ACMSD: variants seen among roughly 807,000 people sequenced by gnomAD.
The protein encoded by ACMSD is 2-amino-3-carboxymuconate-6-semialdehyde decarboxylase.
In ACMSD, 37 loss-of-function variants were observed where a neutral mutation model predicts 45.9. The ratio of observed to expected loss-of-function variants is 0.81; its 90% CI spans 0.62 to 1.06. The LOEUF (loss-of-function observed/expected upper bound fraction) is 1.06, where lower values mean the gene tolerates loss of function less well. ACMSD is among the 50% of genes least tolerant of loss of function. The pLI is 0.00. For synonymous variants in ACMSD, 138 were observed against 148.8 expected, an observed-to-expected ratio of 0.93 and a Z score of 0.53; for missense variants, 434 against 420.9, an observed-to-expected ratio of 1.03 and a Z score of -0.27.
chr2:134,893,509 T>C (rs1043085616), intron 8 of ACMSD, among the ~76,000 whole-genome samples: 2 of 152,102 alleles, frequency 1.3e-5, no homozygotes, highest in Non-Finnish European at 2.9e-5. Flanking sequence ...AGATAGTACT[T>C]CTTTCTAGTT....
chr2:134,899,259 C>T (rs1378719074), intron 9 of ACMSD, among the ~76,000 whole-genome samples: 1 of 152,086 alleles, frequency 6.6e-6, no homozygotes, highest in Non-Finnish European at 1.5e-5. Context: ...TTCATCAAAT[C>T]TTCTCAATAG....
intron 8 of ACMSD, among the ~76,000 whole-genome samples, chr2:134,886,088 T>C (rs934002623): frequency 5.3e-5 from 8 of 152,092 alleles, no homozygotes; most frequent in Non-Finnish European, 1.2e-4. Context: ...CTATTTAGTA[T>C]TGACTGAAGT....
chr2:134,858,403 T>G (rs982270563), intron 2 of ACMSD, among the ~76,000 whole-genome samples: 1 of 152,130 alleles, frequency 6.6e-6, no homozygotes, highest in African/African-American at 2.4e-5. Flanking sequence ...TCAGAGGATA[T>G]GAAATTTCAG....
chr2:134,845,099 C>A, intron 1 of ACMSD, 134 bp from the exon 2 acceptor site: 1 of 797,368 alleles, frequency 1.3e-6, no homozygotes, highest in Non-Finnish European at 2.2e-6. Flanking sequence ...ACTAAATAGG[C>A]GATACATGGG....
intron 4 of ACMSD, chr2:134,862,859 C>T: frequency 5.2e-6 from 3 of 581,844 alleles, no homozygotes; most frequent in Non-Finnish European, 6.5e-6. Context: ...ATTAGGAAAA[C>T]CAACAGTAAA....
chr2:134,885,213 A>C (rs1573702400), intron 8 of ACMSD, among the ~76,000 whole-genome samples: 2 of 129,056 alleles, frequency 1.5e-5, no homozygotes, highest in East Asian at 4.0e-4. Context: ...ATATACATAT[A>C]TATATTTATA....
intron 7 of ACMSD, 119 bp downstream of exon 7, chr2:134,871,179 C>A: frequency 1.1e-6 from 1 of 909,382 alleles, no homozygotes; most frequent in Non-Finnish European, 1.7e-6. Context: ...AGTCCAAGAT[C>A]AAGGTGCTGG....
chr2:134,869,951 G>A (rs1415141631), intron 6 of ACMSD, among the ~76,000 whole-genome samples: 4 of 152,194 alleles, frequency 2.6e-5, no homozygotes, highest in Non-Finnish European at 5.9e-5. Context: ...TCTGCCTTCA[G>A]GAAGCTCTAC....
chr2:134,846,082 T>C (rs1159193719), intron 2 of ACMSD, among the ~76,000 whole-genome samples: 1 of 152,120 alleles, frequency 6.6e-6, no homozygotes, highest in African/African-American at 2.4e-5. Context: ...GAAGGCCTTC[T>C]GGAGGAAATG....
chr2:134,869,067 A>C (rs1248970471), intron 6 of ACMSD: 1 of 152,158 alleles, frequency 6.6e-6, no homozygotes, highest in Non-Finnish European at 1.5e-5. Flanking sequence ...GTATTTAGTA[A>C]GGAGGCTTCC....
At chr2:134,869,816 T>C (rs966378641) in intron 6 of ACMSD, among the ~76,000 whole-genome samples, 1 of 152,132 alleles carries the variant, frequency 6.6e-6, no homozygotes, top group African/African-American at 2.4e-5. Flanking sequence ...AGAAGTGTCA[T>C]GATCCAATTC....
chr2:134,871,510 T>C (rs1688434268), intron 7 of ACMSD, among the ~76,000 whole-genome samples: 2 of 103,268 alleles, frequency 1.9e-5, no homozygotes, highest in South Asian at 8.1e-4. Context: ...GTTTTGTCAT[T>C]GTTTTTTTTT....
chr2:134,875,677 A>T (rs1688698324), intron 8 of ACMSD, among the ~76,000 whole-genome samples: 1 of 152,252 alleles, frequency 6.6e-6, no homozygotes. Context: ...GCCTCCCTAT[A>T]TTAACATGAT....
chr2:134,856,342 G>T (rs1325016436), intron 2 of ACMSD, among the ~76,000 whole-genome samples: 1 of 152,064 alleles, frequency 6.6e-6, no homozygotes, highest in Admixed American at 6.6e-5. Context: ...TTTTCTTTAG[G>T]AATCACAAAC....
chr2:134,886,246 A>ATTATTATTATTATTT, intron 8 of ACMSD, among the ~76,000 whole-genome samples: 2 of 115,466 alleles, frequency 1.7e-5, no homozygotes, highest in Admixed American at 8.4e-5. Flanking sequence ...TATTATTATT[A>ATTATTATTATTATTT]TTTTTTTTTT....
intron 8 of ACMSD, among the ~76,000 whole-genome samples, chr2:134,886,246 A>ATTATTATTATTTTTTTTTTT: frequency 8.7e-6 from 1 of 115,472 alleles, no homozygotes; most frequent in Admixed American, 8.4e-5. Context: ...TATTATTATT[A>ATTATTATTATTTTTTTTTTT]TTTTTTTTTT....
At chr2:134,894,512 C>T (rs900276065) in intron 8 of ACMSD, among the ~76,000 whole-genome samples, 3 of 152,036 alleles carry the variant, frequency 2.0e-5, no homozygotes, top group African/African-American at 7.2e-5. Flanking sequence ...CAGATGTCTT[C>T]GCTGGTGAAT....
At chr2:134,882,078 A>C (rs1032599481) in intron 8 of ACMSD, among the ~76,000 whole-genome samples, 10 of 152,138 alleles carry the variant, frequency 6.6e-5, no homozygotes, top group Non-Finnish European at 1.3e-4. Context: ...AAATTGCACC[A>C]CTGCGCTCCA....
chr2:134,854,388 A>T (rs941696099), intron 2 of ACMSD, among the ~76,000 whole-genome samples: 1 of 152,234 alleles, frequency 6.6e-6, no homozygotes, highest in African/African-American at 2.4e-5. Context: ...GGGCTGTGCT[A>T]ACATGATCAA....
Sources: allele counts gnomAD v4.1 joint callset (sites outside exome capture counted in the v4.1 genomes callset), GRCh38; gene constraint gnomAD v4.1.1; transcripts MANE v1.5; gene names NCBI Gene and HGNC (gene_info 2026-07-23, HGNC 2026-07-21).